Variants in PCDH9 observed in about 807,000 individuals in gnomAD.
PCDH9 encodes protocadherin 9, also known as protocadherin-9.
Under a neutral mutation model 70.6 loss-of-function variants are expected in PCDH9, and 24 were observed. The observed-to-expected ratio is 0.34, with a 90% CI of 0.25 to 0.48. The LOEUF (loss-of-function observed/expected upper bound fraction) is 0.48, where lower values mean the gene tolerates loss of function less well. PCDH9 is among the 20% of genes least tolerant of loss of function. The pLI, the probability that PCDH9 is intolerant of heterozygous loss-of-function variation, is 0.99. For missense variants in PCDH9, 1,281 were observed against 1,503.6 expected, an observed-to-expected ratio of 0.85 and a Z score of 2.45; for synonymous variants, 562 against 558.5, an observed-to-expected ratio of 1.01 and a Z score of -0.09.
intron 3 of PCDH9, among the ~76,000 whole-genome samples, chr13:66,826,797 A>T (rs1179775775): frequency 3.6e-4 from 55 of 152,290 alleles, no homozygotes; most frequent in Non-Finnish European, 7.4e-5. Flanking sequence ...AAAGGATGAG[A>T]CTAATCATAT....
intron 3 of PCDH9, among the ~76,000 whole-genome samples, chr13:66,852,184 C>T (rs922372023): frequency 5.8e-4 from 89 of 152,190 alleles, no homozygotes; most frequent in African/African-American, 2.1e-3. Flanking sequence ...AATCCTCAAT[C>T]CATAGTAGCT....
chr13:67,139,562 C>G (rs545253693), intron 2 of PCDH9, among the ~76,000 whole-genome samples: 3 of 152,180 alleles, frequency 2.0e-5, no homozygotes, highest in Non-Finnish European at 2.9e-5. Context: ...CTGAAATGCA[C>G]TATTGTAAGA....
chr13:66,924,043 T>C (rs966980461), intron 2 of PCDH9, among the ~76,000 whole-genome samples: 2 of 151,730 alleles, frequency 1.3e-5, no homozygotes, highest in Admixed American at 1.3e-4. Context: ...CTCATGTTGG[T>C]ACAGACGTAA....
At chr13:66,757,319 T>A (rs372185026) in intron 3 of PCDH9, among the ~76,000 whole-genome samples, 1 of 152,240 alleles carries the variant, frequency 6.6e-6, no homozygotes, top group East Asian at 1.9e-4. Context: ...GACCATTACT[T>A]TATGAAATAA....
intron 2 of PCDH9, among the ~76,000 whole-genome samples, chr13:67,176,591 T>C (rs1396889780): frequency 1.3e-5 from 2 of 152,114 alleles, no homozygotes; most frequent in Non-Finnish European, 2.9e-5. Context: ...GCTAAAGTCC[T>C]ACAGAGCTTC....
At chr13:66,486,973 T>C (rs1447055590) in intron 4 of PCDH9, among the ~76,000 whole-genome samples, 1 of 152,194 alleles carries the variant, frequency 6.6e-6, no homozygotes, top group Non-Finnish European at 1.5e-5. Flanking sequence ...TATGGAACCA[T>C]TGATGGTGTG....
intron 4 of PCDH9, among the ~76,000 whole-genome samples, chr13:66,477,657 A>G (rs1020327978): frequency 6.6e-6 from 1 of 152,220 alleles, no homozygotes; most frequent in African/African-American, 2.4e-5. Flanking sequence ...AATAATTAAT[A>G]TGTAAGACAC....
intron 2 of PCDH9, chr13:67,209,396 C>T (rs1726106780): frequency 6.6e-6 from 1 of 152,150 alleles, no homozygotes; most frequent in Non-Finnish European, 1.5e-5. Context: ...TAAAAAGTGT[C>T]TTGCATCCAA....
chr13:67,015,118 C>G (rs551229553), intron 2 of PCDH9, among the ~76,000 whole-genome samples: 1 of 152,208 alleles, frequency 6.6e-6, no homozygotes, highest in East Asian at 1.9e-4. Flanking sequence ...ATTATTGACT[C>G]CTGGCTCCTC....
chr13:66,584,243 T>C (rs1310065322), intron 4 of PCDH9, among the ~76,000 whole-genome samples: 1 of 152,150 alleles, frequency 6.6e-6, no homozygotes, highest in Admixed American at 6.5e-5. Flanking sequence ...ATGATCTATA[T>C]CTTACAAGTT....
intron 3 of PCDH9, among the ~76,000 whole-genome samples, chr13:66,863,078 C>G (rs1822542260): frequency 6.6e-6 from 1 of 152,022 alleles, no homozygotes; most frequent in South Asian, 2.1e-4. Flanking sequence ...TAGTTGGTAA[C>G]TTTAAAATAT....
chr13:66,551,641 G>A (rs1961494302), intron 4 of PCDH9, among the ~76,000 whole-genome samples: 1 of 152,078 alleles, frequency 6.6e-6, no homozygotes, highest in African/African-American at 2.4e-5. Flanking sequence ...CAAGTCTGAA[G>A]CAGAAACAAA....
intron 2 of PCDH9, among the ~76,000 whole-genome samples, chr13:67,038,999 G>A (rs1378238569): frequency 6.6e-6 from 1 of 152,134 alleles, no homozygotes; most frequent in African/African-American, 2.4e-5. Flanking sequence ...GGAGGAGAGG[G>A]GGTCAGGAGA....
At chr13:67,005,825 T>C (rs766703671) in intron 2 of PCDH9, among the ~76,000 whole-genome samples, 19 of 152,358 alleles carry the variant, frequency 1.2e-4, no homozygotes, top group Non-Finnish European at 2.6e-4. Context: ...GCTTATTTCA[T>C]AGGTATTTAG....
chr13:66,937,409 C>T (rs1296317428), intron 2 of PCDH9, among the ~76,000 whole-genome samples: 1 of 152,208 alleles, frequency 6.6e-6, no homozygotes, highest in Non-Finnish European at 1.5e-5. Context: ...ATTTCTCTAT[C>T]TGCATCATAT....
chr13:67,070,831 C>T (rs909597572), intron 2 of PCDH9, among the ~76,000 whole-genome samples: 7 of 151,842 alleles, frequency 4.6e-5, no homozygotes, highest in African/African-American at 1.7e-4. Context: ...TTTCTGAAAA[C>T]ATTGGTACTC....
chr13:66,400,823 T>C (rs1957171759), intron 4 of PCDH9, among the ~76,000 whole-genome samples: 1 of 152,090 alleles, frequency 6.6e-6, no homozygotes, highest in Non-Finnish European at 1.5e-5. Flanking sequence ...GTGTAATATC[T>C]AAGGAAAAAA....
chr13:66,534,479 C>T (rs1428530684), intron 4 of PCDH9, among the ~76,000 whole-genome samples: 1 of 152,006 alleles, frequency 6.6e-6, no homozygotes, highest in African/African-American at 2.4e-5. Flanking sequence ...GGCAAGACAG[C>T]TCTCAGGGGT....
At chr13:67,228,635 A>G in intron 1 of PCDH9, 60 bp from the exon 2 acceptor site, 1 of 431,850 alleles carries the variant, frequency 2.3e-6, no homozygotes, top group Non-Finnish European at 4.1e-6. Context: ...CACCGTCACA[A>G]AATATCACCA....
Sources: gnomAD v4.1 joint callset for allele counts (sites outside exome capture counted in the v4.1 genomes callset) on GRCh38, gnomAD v4.1.1 for gene constraint, MANE v1.5 for transcripts, NCBI Gene and HGNC (gene_info 2026-07-23, HGNC 2026-07-21) for gene names.